The following TDP1 variants were observed in gnomAD, a reference collection of about 807,000 sequenced individuals.
The protein encoded by TDP1 is tyrosyl-DNA phosphodiesterase 1.
In TDP1, 64 loss-of-function variants were observed where a neutral mutation model predicts 81.5. The ratio of observed to expected loss-of-function variants is 0.79; its 90% CI spans 0.64 to 0.97. The LOEUF (loss-of-function observed/expected upper bound fraction) is 0.97, where lower values mean the gene tolerates loss of function less well. Among genes scored for constraint, TDP1 ranks in the 50% least tolerant of loss-of-function variants. TDP1 has a pLI of 0.00. For missense variants in TDP1, 723 were observed against 743.8 expected, an observed-to-expected ratio of 0.97 and a Z score of 0.33; for synonymous variants, 256 against 264.3, an observed-to-expected ratio of 0.97 and a Z score of 0.30.
At chr14:89,980,691 G>T in intron 8 of TDP1, 59 bp downstream of exon 8, 1 of 1,325,918 alleles carries the variant, frequency 7.5e-7, no homozygotes, top group South Asian at 1.2e-5. Flanking sequence ...TCAAAAGCCA[G>T]AACATTCACT....
intron 1 of TDP1, 134 bp from the exon 2 acceptor site, chr14:89,956,444 G>C (rs936904548): frequency 4.6e-5 from 7 of 152,400 alleles, no homozygotes; most frequent in African/African-American, 9.7e-5. Flanking sequence ...AATCGTGCCT[G>C]GCCGGCCCCA....
At chr14:89,971,889 C>T (rs763421132) in intron 6 of TDP1, among the ~76,000 whole-genome samples, 18 of 151,188 alleles carry the variant, frequency 1.2e-4, no homozygotes, top group Non-Finnish European at 1.9e-4. Flanking sequence ...GACACTTCAA[C>T]GGTAGTCCTT....
chr14:89,992,839 T>C, intron 13 of TDP1: 1 of 603,058 alleles, frequency 1.7e-6, no homozygotes, highest in Non-Finnish European at 2.1e-6. Context: ...CATAGAACCA[T>C]AGTCTGCAAT....
chr14:90,030,930 A>AT (rs1453703120), intron 15 of TDP1, among the ~76,000 whole-genome samples: 2 of 149,216 alleles, frequency 1.3e-5, no homozygotes, highest in African/African-American at 5.0e-5. Context: ...CACTCCAGTT[A>AT]ATTTTTTTTT....
chr14:89,971,206 A>G lies in TDP1; in HGVS notation c.691A>G (p.Lys231Glu), dbSNP rs1332850249. ...KKPILLVHGDKREAKAHLHAQ... is the reference protein window; with the variant it reads ...KKPILLVHGDEREAKAHLHAQ... The stretch of plus-strand genomic sequence containing the variant: ...GCCAATCCTGCTTGTGCATGGTGAT[A>G]AGCGAGAGGCTAAGGCTCACCTCCA... The change falls in exon 6 of 17, where the codon AAG becomes GAG. Residue 231 changes from lysine (K) to glutamate (E), a missense_variant. Transcript: ENST00000335725. 2 of 1,613,970 alleles carry G rather than the reference A, an allele frequency of 1.2e-6. No homozygotes were observed. The highest frequency in any genetic ancestry group is 1.3e-5 in the African/African-American group (1 of 74,936).
At chr14:89,977,544 C>T (rs60296127) in intron 7 of TDP1, among the ~76,000 whole-genome samples, 5,930 of 152,228 alleles carry the variant, frequency 0.039, 381 homozygotes, top group African/African-American at 0.13. Context: ...GTGATCCACC[C>T]GCCTCGGCCT....
At chr14:89,968,781 TAG>T (rs1893248559) in intron 5 of TDP1, among the ~76,000 whole-genome samples, 1 of 152,160 alleles carries the variant, frequency 6.6e-6, no homozygotes, top group Non-Finnish European at 1.5e-5. Flanking sequence ...GTCACCCCAT[TAG>T]AGTGTTGGCA....
At chr14:89,963,789 T>A in intron 3 of TDP1, 116 bp downstream of exon 3, 2 of 1,235,080 alleles carry the variant, frequency 1.6e-6, no homozygotes, top group Admixed American at 2.0e-5. Context: ...TGTTCTTAAC[T>A]ACTTTCAGGA....
intron 14 of TDP1, chr14:90,019,037 AAAAT>A (rs2140260443): frequency 1.0e-6 from 1 of 984,640 alleles, no homozygotes; most frequent in East Asian, 1.1e-4. Context: ...TAGAACGAAA[AAAAT>A]AAAATCTAAG....
intron 12 of TDP1, 103 bp downstream of exon 12, chr14:89,989,868 C>A: frequency 1.1e-6 from 1 of 875,306 alleles, no homozygotes; most frequent in Non-Finnish European, 1.9e-6. Context: ...ATGGTTTTCA[C>A]TTAACTATAT....
chr14:89,979,803 C>T (rs373868377), intron 7 of TDP1, among the ~76,000 whole-genome samples: 1 of 152,114 alleles, frequency 6.6e-6, no homozygotes, highest in Non-Finnish European at 1.5e-5. Context: ...TTCCCTCTCT[C>T]TCACTGCAAT....
At chr14:89,978,752 A>C (rs1894638348) in intron 7 of TDP1, among the ~76,000 whole-genome samples, 1 of 152,200 alleles carries the variant, frequency 6.6e-6, no homozygotes. Flanking sequence ...TCCATAACTG[A>C]CTTATTCTTA....
rs773454992 is a variant in TDP1 at position 90,033,201 on chromosome 14, G to C, written c.1740G>C (p.Leu580=). 14 of 1,599,318 alleles carry C rather than the reference G, an allele frequency of 8.8e-6. No individual in the cohort carries two copies. In the East Asian group the frequency reaches 3.1e-4, roughly 36 times the overall value. The change falls in exon 16 of 17, where the codon CTG becomes CTC. Residue 580 remains leucine, a synonymous_variant. Transcript: ENST00000335725. ...FPVPYDLPPE[L]YGSKDRPWIW... ...TGCCATATGATTTGCCTCCAGAACT[G>C]TATGGAAGTAAAGGTGAGACACAGA... is the stretch of plus-strand genomic sequence containing the variant.
chr14:90,018,896 T>G (rs1202175795), intron 14 of TDP1: 1 of 922,344 alleles, frequency 1.1e-6, no homozygotes, highest in Non-Finnish European at 1.3e-6. Flanking sequence ...GCAAAAAAAC[T>G]GAAAAAGGAA....
intron 2 of TDP1, among the ~76,000 whole-genome samples, chr14:89,958,878 A>G: frequency 6.6e-6 from 1 of 152,234 alleles, no homozygotes; most frequent in East Asian, 1.9e-4. Context: ...GAATCCAATC[A>G]TTCTTTTACA....
chr14:89,958,828 C>T (rs372671631), intron 2 of TDP1, among the ~76,000 whole-genome samples: 111 of 152,292 alleles, frequency 7.3e-4, no homozygotes, highest in African/African-American at 2.4e-3. Context: ...TGCCTCCTGC[C>T]GCTATCACAT....
chr14:90,028,307 T>C (rs1205348418), intron 15 of TDP1, among the ~76,000 whole-genome samples: 5 of 152,244 alleles, frequency 3.3e-5, no homozygotes, highest in Admixed American at 1.3e-4. Flanking sequence ...ATGCCTTGTG[T>C]AGGGTTTTAC....
Position 89,967,231 on chromosome 14 carries a change from C to T in TDP1, c.604-136C>T, listed in dbSNP as rs537593592. The T allele has an allele frequency of 2.6e-5, 36 of 1,371,224 alleles. No homozygotes were observed. The South Asian group carries it at 3.4e-4, about 13-fold the overall frequency. 84.9% of individuals were successfully genotyped at this position (1,371,224 alleles called of 1,614,324 possible). On this transcript the variant is annotated intron_variant, in intron 4 of 16. Coordinates refer to ENST00000335725, the MANE Select transcript of TDP1 (RefSeq NM_018319.4). ...GGTTTGTTAGTATTGCAGCATAACC[C>T]TCCAGGTTTATAAATAATACATGTA...
intron 7 of TDP1, among the ~76,000 whole-genome samples, chr14:89,979,687 G>T (rs2140065660): frequency 6.6e-6 from 1 of 152,254 alleles, no homozygotes; most frequent in Non-Finnish European, 1.5e-5. Flanking sequence ...GAAAACTGAG[G>T]CTCGGGGACA....
Sources: gnomAD v4.1 joint callset for allele counts (sites outside exome capture counted in the v4.1 genomes callset) on GRCh38, gnomAD v4.1.1 for gene constraint, MANE v1.5 for transcripts, NCBI Gene and HGNC (gene_info 2026-07-23, HGNC 2026-07-21) for gene names.